PCDHA1: variants seen among roughly 807,000 people sequenced by gnomAD.
PCDHA1 encodes the protein protocadherin alpha-1.
Under a neutral mutation model 61.3 loss-of-function variants are expected in PCDHA1, and 42 were observed. The ratio of observed to expected loss-of-function variants is 0.69; its 90% CI spans 0.54 to 0.89. The LOEUF (loss-of-function observed/expected upper bound fraction) is 0.89, where lower values mean the gene tolerates loss of function less well. Ranked by LOEUF, PCDHA1 falls within the 40% of genes least tolerant of loss-of-function variation. The probability of loss-of-function intolerance (pLI) is 0.00; values close to 1 mark genes in which losing one functional copy is unlikely to be tolerated. For synonymous variants in PCDHA1, 610 were observed against 553.8 expected (o/e 1.10, Z -1.43); for missense variants, 1,256 against 1,235.3 (o/e 1.02, Z -0.25).
intron 1 of PCDHA1, chr5:140,862,477 A>G (rs1227905551): frequency 2.6e-6 from 1 of 379,090 alleles, no homozygotes; most frequent in African/African-American, 2.1e-5. Context: ...AAATCTATCC[A>G]TTGTTGGTAA....
In PCDHA1 at chr5:140,999,778, T is replaced by G. The variant is rs1252583642; in HGVS notation, c.2543-9849T>G. On this transcript the variant is annotated intron_variant, in intron 3 of 3. Coordinates refer to ENST00000504120, the MANE Select transcript of PCDHA1 (RefSeq NM_018900.4). ...ACATGATGTCTTTATACTCTTAACC[T>G]AGAAATGGCAGAGTTATTTTGGGCA... 3.0e-4 allele frequency among the ~76,000 whole-genome samples: 46 copies of G among 152,162 alleles called. 1 individual carries two copies.
At chr5:140,914,578 A>T (rs1858296) in intron 1 of PCDHA1, among the ~76,000 whole-genome samples, 49,681 of 151,930 alleles carry the variant, frequency 0.33, 8,403 homozygotes, top group East Asian at 0.53. Flanking sequence ...ACATTCAATA[A>T]TTTCATTTAA....
intron 3 of PCDHA1, among the ~76,000 whole-genome samples, chr5:140,998,588 G>A (rs1315091552): frequency 6.7e-6 from 1 of 148,536 alleles, no homozygotes; most frequent in African/African-American, 2.5e-5. Context: ...TTTTGAGACA[G>A]AGTTTTGCTC....
chr5:140,933,545 A>G (rs1424166462), intron 1 of PCDHA1, among the ~76,000 whole-genome samples: 1 of 152,114 alleles, frequency 6.6e-6, no homozygotes, highest in Non-Finnish European at 1.5e-5. Flanking sequence ...TAATGTTAAT[A>G]TAAAATAAAA....
chr5:140,915,850 C>A (rs2077335554), intron 1 of PCDHA1, among the ~76,000 whole-genome samples: 1 of 152,140 alleles, frequency 6.6e-6, no homozygotes, highest in South Asian at 2.1e-4. Context: ...GGGGTGACAC[C>A]AGCCAAGTTT....
chr5:140,928,875 T>C (rs781860300), intron 1 of PCDHA1: 1 of 1,614,184 alleles, frequency 6.2e-7, no homozygotes, highest in Non-Finnish European at 8.5e-7. Context: ...ACTCTGTCCC[T>C]CAGTTACTTC....
chr5:140,942,316 A>G (rs1197832358), intron 1 of PCDHA1, among the ~76,000 whole-genome samples: 1 of 152,100 alleles, frequency 6.6e-6, no homozygotes, highest in Non-Finnish European at 1.5e-5. Flanking sequence ...AGGTCGAGGC[A>G]CAAGAATCAC....
Position 140,857,399 on chromosome 5 carries a change from G to A in PCDHA1, c.2394+68715G>A, listed in dbSNP as rs375062704. ...GGAGGTGGCCGACGTGAACGACAAC[G>A]CGCCTGCGTTCGCGCAGTCCGAGTA... On this transcript the variant is annotated intron_variant, in intron 1 of 3. Coordinates refer to ENST00000504120, the MANE Select transcript of PCDHA1 (RefSeq NM_018900.4). 3 of 1,598,394 alleles carry A rather than the reference G, an allele frequency of 1.9e-6. No homozygotes were observed. In the African/African-American group the frequency reaches 4.0e-5, roughly 21 times the overall value.
At position 140,787,832 on chromosome 5, in the gene PCDHA1, C is replaced by A. The variant is rs781921336; in HGVS notation, c.1542C>A (p.Ser514Arg). The change falls in exon 1 of 4, where the codon AGC (serine) becomes AGA (arginine). Residue 514 changes from serine (S) to arginine (R), a missense_variant. Coordinates refer to ENST00000504120, the MANE Select transcript of PCDHA1 (RefSeq NM_018900.4). ...LSNYVSVHAE[S>R]GKVYALQPLD... is the part of the protein sequence containing the mutation. ...ACTACGTGTCAGTGCACGCGGAGAG[C>A]GGCAAGGTGTACGCACTGCAGCCCC... 2 of 1,612,448 alleles carry A rather than the reference C, an allele frequency of 1.2e-6. No homozygotes were observed. The highest frequency in any genetic ancestry group is 1.3e-5 in the African/African-American group (1 of 74,884).
chr5:141,009,582 G>A, intron 3 of PCDHA1, 45 bp from the exon 4 acceptor site: 1 of 1,590,226 alleles, frequency 6.3e-7, no homozygotes, highest in Non-Finnish European at 8.6e-7. Context: ...GGCATCAAGA[G>A]CATGTGTTGA....
intron 1 of PCDHA1, among the ~76,000 whole-genome samples, chr5:140,950,403 A>C (rs2094477208): frequency 6.6e-6 from 1 of 151,818 alleles, no homozygotes; most frequent in Admixed American, 6.6e-5. Flanking sequence ...ATTCTGGGGG[A>C]TTGACAGATT....
intron 1 of PCDHA1, chr5:140,869,260 G>A (rs976245495): frequency 6.2e-7 from 1 of 1,613,638 alleles, no homozygotes; most frequent in Non-Finnish European, 8.5e-7. Context: ...GCAGGACCTG[G>A]GGCTGGAGCT....
chr5:140,957,038 C>T (rs534661886), intron 1 of PCDHA1, among the ~76,000 whole-genome samples: 1 of 152,048 alleles, frequency 6.6e-6, no homozygotes, highest in South Asian at 2.1e-4. Context: ...TTATGGGAGT[C>T]ATATAAAATA....
At chr5:140,821,884 G>C in intron 1 of PCDHA1, 33 of 1,614,242 alleles carry the variant, frequency 2.0e-5, no homozygotes, top group Non-Finnish European at 2.7e-5. Flanking sequence ...GATCCCGGAG[G>C]AAGCCAAACA....
At chr5:140,978,694 G>A (rs1184051557) in intron 1 of PCDHA1, among the ~76,000 whole-genome samples, 1 of 152,258 alleles carries the variant, frequency 6.6e-6, no homozygotes, top group African/African-American at 2.4e-5. Context: ...GCAAGGCAAA[G>A]CCAAAGGTGG....
chr5:140,887,561 CT>C (rs2061497104), intron 1 of PCDHA1, among the ~76,000 whole-genome samples: 1 of 151,690 alleles, frequency 6.6e-6, no homozygotes, highest in Non-Finnish European at 1.5e-5. Context: ...ACTGTTAAAA[CT>C]TTTCTTTTTA....
intron 1 of PCDHA1, chr5:140,796,440 C>T (rs782093996): frequency 2.5e-6 from 4 of 1,613,360 alleles, no homozygotes; most frequent in Non-Finnish European, 3.4e-6. Context: ...TGGTGTCCTA[C>T]TCGCTGGTGG....
In PCDHA1 at chr5:141,010,048, C is replaced by T; in HGVS notation, c.*111C>T. 4 of 1,597,434 alleles carry T rather than the reference C, an allele frequency of 2.5e-6. No homozygotes were observed. The highest frequency in any genetic ancestry group is 3.4e-6 in the Non-Finnish European group (4 of 1,172,252). Reference sequence around the variant, plus strand: ...CTATCTACATGAGCCCTCTTAGAGACCTCAGAAATCTGCAGAAAGTTCCCT... The same window carrying T: ...CTATCTACATGAGCCCTCTTAGAGATCTCAGAAATCTGCAGAAAGTTCCCT... On this transcript the variant is annotated 3_prime_UTR_variant, in exon 4 of 4. Coordinates refer to ENST00000504120, the MANE Select transcript of PCDHA1 (RefSeq NM_018900.4).
chr5:140,802,820 C>T lies in PCDHA1; in HGVS notation c.2394+14136C>T, dbSNP rs1554122388. 4.3e-6 allele frequency: 7 copies of T among 1,613,422 alleles called. No individual in the cohort carries two copies. The Admixed American group carries it at 8.3e-5, about 19-fold the overall frequency. The stretch of plus-strand genomic sequence containing the variant: ...TCCAGGTGAGTGCGCGCGATGCGGG[C>T]GTGCCGCCTCTGGGCAGCAACGTGA... On this transcript the variant is annotated intron_variant, in intron 1 of 3. Coordinates refer to ENST00000504120, the MANE Select transcript of PCDHA1 (RefSeq NM_018900.4).
Sources: allele counts gnomAD v4.1 joint callset (sites outside exome capture counted in the v4.1 genomes callset), GRCh38; gene constraint gnomAD v4.1.1; transcripts MANE v1.5; gene names NCBI Gene and HGNC (gene_info 2026-07-23, HGNC 2026-07-21).